Variants in PCDH11X observed in about 807,000 individuals in gnomAD.
The protein encoded by PCDH11X is protocadherin 11 X-linked, also known as protocadherin-11 X-linked.
Under a neutral mutation model 53.3 loss-of-function variants are expected in PCDH11X, and 18 were observed. The observed-to-expected ratio is 0.34, with a 90% CI of 0.23 to 0.50. PCDH11X has a LOEUF of 0.50. Ranked by LOEUF, PCDH11X falls within the 20% of genes least tolerant of loss-of-function variation. PCDH11X has a pLI of 0.98. For synonymous variants in PCDH11X, 279 were observed against 393.3 expected (o/e 0.71, Z 3.44); for missense variants, 570 against 1,032.4 (o/e 0.55, Z 6.14).
At chrX:91,851,112 C>T (rs1367107501) in intron 5 of PCDH11X, among the ~76,000 whole-genome samples, 1 of 109,366 alleles carries the variant, frequency 9.1e-6, no homozygotes, top group African/African-American at 3.3e-5. Context: ...TATTATTGCT[C>T]AATGTGATGC....
At chrX:92,088,585 T>G (rs1374197981) in intron 6 of PCDH11X, among the ~76,000 whole-genome samples, 2 of 111,483 alleles carry the variant, frequency 1.8e-5, no homozygotes, top group Non-Finnish European at 3.8e-5. Flanking sequence ...AAAACACTTC[T>G]GATTTATCAG....
At chrX:92,393,794 T>C (rs919835606) in intron 9 of PCDH11X, among the ~76,000 whole-genome samples, 2 of 110,645 alleles carry the variant, frequency 1.8e-5, no homozygotes, top group African/African-American at 3.3e-5. Context: ...CCATCTGCCA[T>C]TGTTTTAGAG....
At chrX:92,166,897 A>C (rs2065741900) in intron 6 of PCDH11X, among the ~76,000 whole-genome samples, 1 of 111,089 alleles carries the variant, frequency 9.0e-6, no homozygotes. Flanking sequence ...CCATCACTTA[A>C]AAAAGAAAAA....
chrX:92,424,470 G>T (rs1411181311), intron 9 of PCDH11X, among the ~76,000 whole-genome samples: 1 of 95,960 alleles, frequency 1.0e-5, no homozygotes, highest in African/African-American at 3.4e-5. Flanking sequence ...TCCTGCTTTG[G>T]GTCTCTCTCT....
intron 10 of PCDH11X, among the ~76,000 whole-genome samples, chrX:92,589,031 G>GAAACA (rs965094855): frequency 5.4e-5 from 6 of 111,152 alleles, no homozygotes; most frequent in Non-Finnish European, 7.5e-5. Context: ...GTGCTAACAG[G>GAAACA]AAACAAAACA....
chrX:92,508,223 GT>G (rs1303236705), intron 10 of PCDH11X, among the ~76,000 whole-genome samples: 1 of 64,444 alleles, frequency 1.6e-5, no homozygotes, highest in African/African-American at 4.2e-5. Flanking sequence ...GTTTTTTTTT[GT>G]TGTTTTTTTT....
chrX:91,869,927 G>T (rs965531934), intron 5 of PCDH11X, among the ~76,000 whole-genome samples: 3 of 111,752 alleles, frequency 2.7e-5, no homozygotes, highest in East Asian at 2.8e-4. Flanking sequence ...GTAAAAAAGA[G>T]AATTCTGAAT....
At chrX:92,100,548 T>C (rs767994227) in intron 6 of PCDH11X, among the ~76,000 whole-genome samples, 5,377 of 110,072 alleles carry the variant, frequency 0.049, 313 homozygotes, top group African/African-American at 0.15. Flanking sequence ...TTTACACTTC[T>C]GTTGTGGTGG....
chrX:92,474,971 C>G (rs1429176654), intron 10 of PCDH11X, among the ~76,000 whole-genome samples: 6 of 104,671 alleles, frequency 5.7e-5, no homozygotes, highest in African/African-American at 1.7e-4. Context: ...CGAGACCATC[C>G]CGGCTAAGAC....
chrX:92,033,773 T>C (rs1449349058), intron 6 of PCDH11X, among the ~76,000 whole-genome samples: 8 of 110,824 alleles, frequency 7.2e-5, no homozygotes, highest in Non-Finnish European at 1.5e-4. Flanking sequence ...ATTATTTATT[T>C]TCTTCTACTA....
chrX:91,791,330 G>T (rs1434609672), intron 1 of PCDH11X, among the ~76,000 whole-genome samples: 1 of 110,524 alleles, frequency 9.0e-6, no homozygotes, highest in East Asian at 2.8e-4. Flanking sequence ...TGTATAGGAA[G>T]CATGGCTAGG....
intron 6 of PCDH11X, among the ~76,000 whole-genome samples, chrX:92,156,779 A>G (rs2065544075): frequency 9.0e-6 from 1 of 111,496 alleles, no homozygotes; most frequent in Admixed American, 9.5e-5. Context: ...CCATTTATAT[A>G]CTCATTATGT....
At chrX:92,553,723 C>T (rs2075001060) in intron 10 of PCDH11X, among the ~76,000 whole-genome samples, 1 of 108,350 alleles carries the variant, frequency 9.2e-6, no homozygotes, top group Non-Finnish European at 1.9e-5. Flanking sequence ...TTCTTCTTAA[C>T]ACTGCTTTTG....
intron 7 of PCDH11X, among the ~76,000 whole-genome samples, chrX:92,217,672 G>T (rs1417561631): frequency 9.6e-6 from 1 of 103,756 alleles, no homozygotes; most frequent in African/African-American, 3.5e-5. Flanking sequence ...AGGATACCCA[G>T]GAATTGAACT....
intron 8 of PCDH11X, among the ~76,000 whole-genome samples, chrX:92,355,618 G>A (rs1421365414): frequency 9.7e-6 from 1 of 103,214 alleles, no homozygotes; most frequent in Admixed American, 1.1e-4. Context: ...ATTTATTCAC[G>A]GTAGTTTATA....
intron 10 of PCDH11X, among the ~76,000 whole-genome samples, chrX:92,582,775 G>C (rs1358738964): frequency 1.8e-5 from 2 of 110,572 alleles, no homozygotes; most frequent in African/African-American, 6.6e-5. Flanking sequence ...AAAGCATCCA[G>C]GAGGGAGGCT....
In PCDH11X at chrX:92,132,298, A is replaced by G. The variant is rs1230567567; in HGVS notation, c.3034-69077A>G. Among the ~76,000 whole-genome samples, 17 of 50,235 alleles carry G rather than the reference A, an allele frequency of 3.4e-4. No individual in the cohort carries two copies. The East Asian group carries it at 0.014, about 43-fold the overall frequency. 43.6% of individuals were successfully genotyped at this position (50,235 alleles called of 115,157 possible). A position where few individuals can be genotyped will look rare whatever the true frequency, so the allele number is the denominator to read the frequency against. ...AAACCTCTGTCTCAAAAAAAAAAAAAAAAAAAAAAAAAAAAAAAAAAAAAA... is the reference window on the plus strand; with the variant it reads ...AAACCTCTGTCTCAAAAAAAAAAAAGAAAAAAAAAAAAAAAAAAAAAAAAA... On this transcript the variant is annotated intron_variant, in intron 6 of 10. Coordinates refer to ENST00000682573, the MANE Select transcript of PCDH11X (RefSeq NM_032968.5).
chrX:92,379,412 C>T (rs1457906645), intron 8 of PCDH11X, among the ~76,000 whole-genome samples: 1 of 112,988 alleles, frequency 8.9e-6, no homozygotes, highest in African/African-American at 3.2e-5. Context: ...ACTTTGACCA[C>T]CCACAAACAA....
At chrX:91,995,253 C>T (rs1264490647) in intron 6 of PCDH11X, among the ~76,000 whole-genome samples, 1 of 101,531 alleles carries the variant, frequency 9.8e-6, no homozygotes, top group African/African-American at 3.6e-5. Context: ...AAAAAAAAAA[C>T]ACTGCTGAGA....
Sources: gnomAD v4.1 joint callset for allele counts (sites outside exome capture counted in the v4.1 genomes callset) on GRCh38, gnomAD v4.1.1 for gene constraint, MANE v1.5 for transcripts, NCBI Gene and HGNC (gene_info 2026-07-23, HGNC 2026-07-21) for gene names.